Variants in PCDH15 observed in about 807,000 individuals in gnomAD.
The protein encoded by PCDH15 is protocadherin related 15, also known as protocadherin-15.
Under a neutral mutation model 178.5 loss-of-function variants are expected in PCDH15, and 129 were observed. That is an observed-to-expected ratio of 0.72 (90% CI 0.63 to 0.84). The LOEUF (loss-of-function observed/expected upper bound fraction) is 0.84, where lower values mean the gene tolerates loss of function less well. Among genes scored for constraint, PCDH15 ranks in the 40% least tolerant of loss-of-function variants. The probability of loss-of-function intolerance (pLI) is 0.00; values close to 1 mark genes in which losing one functional copy is unlikely to be tolerated. For missense variants in PCDH15, 2,230 were observed against 2,099.9 expected, an observed-to-expected ratio of 1.06 and a Z score of -1.21; for synonymous variants, 800 against 732.0, an observed-to-expected ratio of 1.09 and a Z score of -1.50.
intron 2 of PCDH15, among the ~76,000 whole-genome samples, chr10:54,578,831 G>C (rs1316965434): frequency 2.0e-5 from 3 of 152,006 alleles, no homozygotes; most frequent in African/African-American, 4.8e-5. Flanking sequence ...AAGCCAGAAG[G>C]GATTAGGGGC....
chr10:55,215,803 T>G (rs183268000), intron 1 of PCDH15, among the ~76,000 whole-genome samples: 44 of 152,134 alleles, frequency 2.9e-4, no homozygotes, highest in Admixed American at 2.6e-3. Flanking sequence ...TTGTCTGTGA[T>G]TCTAGCAGTA....
intron 2 of PCDH15, among the ~76,000 whole-genome samples, chr10:55,129,065 T>C (rs1040286842): frequency 1.3e-5 from 2 of 152,144 alleles, no homozygotes; most frequent in Non-Finnish European, 2.9e-5. Flanking sequence ...GCACAATTAA[T>C]AGTTCCTTTA....
intron 8 of PCDH15, among the ~76,000 whole-genome samples, chr10:54,261,869 A>T (rs1016813625): frequency 2.0e-5 from 3 of 152,140 alleles, no homozygotes; most frequent in Non-Finnish European, 4.4e-5. Context: ...TATCCAGTAA[A>T]CCGTCACATT....
At chr10:54,759,259 C>T (rs540354373) in intron 1 of PCDH15, among the ~76,000 whole-genome samples, 147 of 152,070 alleles carry the variant, frequency 9.7e-4, no homozygotes, top group African/African-American at 3.2e-3. Context: ...TGAACACTAC[C>T]GGGCAAACAC....
intron 2 of PCDH15, among the ~76,000 whole-genome samples, chr10:55,476,183 C>A (rs1002089251): frequency 2.6e-5 from 4 of 151,868 alleles, no homozygotes; most frequent in Non-Finnish European, 5.9e-5. Flanking sequence ...ATGGAATATG[C>A]TAGGGTGTGA....
At position 54,020,383 on chromosome 10, in the gene PCDH15, A is replaced by G. The variant is rs375825592; in HGVS notation, c.2560T>C (p.Tyr854His). 1.9e-6 allele frequency: 3 copies of G among 1,613,700 alleles called. No homozygotes were observed. ...TTCACTTCTGGGCTTCTTATCCGGT[A>G]AGACACATTTGCTCCAAGGTCGACA... ...KDVDLGANVS[Y>H]RIRSPEVKHF... The change falls in exon 20 of 38, where the codon TAC becomes CAC. Residue 854 changes from tyrosine to histidine, a missense_variant. Coordinates refer to ENST00000644397, the MANE Select transcript of PCDH15 (RefSeq NM_001384140.1).
chr10:54,462,410 AT>A (rs1724588946), intron 3 of PCDH15, among the ~76,000 whole-genome samples: 2 of 151,570 alleles, frequency 1.3e-5, no homozygotes, highest in South Asian at 4.1e-4. Context: ...TTCCATCTGA[AT>A]ACAAGTCATT....
At chr10:54,879,412 G>A (rs1954219328) in intron 3 of PCDH15, among the ~76,000 whole-genome samples, 3 of 152,022 alleles carry the variant, frequency 2.0e-5, no homozygotes, top group Non-Finnish European at 4.4e-5. Flanking sequence ...ACATGAGGGA[G>A]CTGAAGCTTA....
chr10:54,900,700 C>T (rs1278525084), intron 2 of PCDH15, among the ~76,000 whole-genome samples: 9 of 152,116 alleles, frequency 5.9e-5, no homozygotes, highest in Admixed American at 2.0e-4. Context: ...TAAATGGCAA[C>T]AATACCTTGT....
intron 2 of PCDH15, among the ~76,000 whole-genome samples, chr10:54,557,343 T>C (rs1260234781): frequency 1.3e-5 from 2 of 152,168 alleles, no homozygotes; most frequent in South Asian, 2.1e-4. Context: ...CAAAAAATTG[T>C]TATCTTTGTA....
intron 3 of PCDH15, among the ~76,000 whole-genome samples, chr10:54,500,462 A>G (rs1301082692): frequency 1.3e-5 from 2 of 152,148 alleles, no homozygotes; most frequent in Non-Finnish European, 2.9e-5. Flanking sequence ...ATAGAAAAAA[A>G]CAAAAACATA....
At chr10:54,014,112 A>G (rs1270727300) in intron 20 of PCDH15, among the ~76,000 whole-genome samples, 1 of 152,146 alleles carries the variant, frequency 6.6e-6, no homozygotes, top group African/African-American at 2.4e-5. Flanking sequence ...ACAGAAATAT[A>G]AAAGAACACT....
chr10:54,695,473 G>C (rs1482149950), intron 1 of PCDH15, among the ~76,000 whole-genome samples: 2 of 152,102 alleles, frequency 1.3e-5, no homozygotes, highest in Non-Finnish European at 2.9e-5. Flanking sequence ...AGTGTTAATG[G>C]GTAAGCTATA....
rs545835965 is a variant in PCDH15 at position 55,291,746 on chromosome 10, C to A, written c.-156+27853G>T. ...TGGTAAAGACATACCTAAGACTGGG[C>A]AATTTACAAAATAAAGGAGTTTAAT... On this transcript the variant is annotated intron_variant, in intron 1 of 5. Transcript: ENST00000458638. Among the ~76,000 whole-genome samples the A allele has an allele frequency of 7.2e-5, 11 of 152,226 alleles. No individual in the cohort carries two copies. In the East Asian group the frequency reaches 1.7e-3, roughly 24 times the overall value.
chr10:55,300,175 T>C (rs1398743586), intron 1 of PCDH15, among the ~76,000 whole-genome samples: 1 of 152,178 alleles, frequency 6.6e-6, no homozygotes, highest in Non-Finnish European at 1.5e-5. Flanking sequence ...GCCTCTGAAA[T>C]ATTTTATTGT....
chr10:54,128,741 A>G (rs111673164), intron 15 of PCDH15, among the ~76,000 whole-genome samples: 62 of 152,246 alleles, frequency 4.1e-4, no homozygotes, highest in African/African-American at 1.3e-3. Context: ...CTTTTGCTCA[A>G]TTGTGCTTTA....
intron 2 of PCDH15, among the ~76,000 whole-genome samples, chr10:55,330,738 T>TA (rs1446402153): frequency 6.6e-6 from 1 of 151,852 alleles, no homozygotes; most frequent in Non-Finnish European, 1.5e-5. Flanking sequence ...CCAGATAAGC[T>TA]TAGCTTTTTG....
chr10:53,820,526 C>A (rs1354177312), intron 32 of PCDH15, among the ~76,000 whole-genome samples: 1 of 151,948 alleles, frequency 6.6e-6, no homozygotes, highest in African/African-American at 2.4e-5. Flanking sequence ...TAGAATTGTA[C>A]CCTTCTCCAT....
intron 3 of PCDH15, among the ~76,000 whole-genome samples, chr10:54,410,478 C>G (rs1029159534): frequency 6.6e-6 from 1 of 152,022 alleles, no homozygotes; most frequent in Non-Finnish European, 1.5e-5. Context: ...AAAGAAAATA[C>G]TTAGTTGGGA....
Sources: allele counts gnomAD v4.1 joint callset (sites outside exome capture counted in the v4.1 genomes callset), GRCh38; gene constraint gnomAD v4.1.1; transcripts MANE v1.5; gene names NCBI Gene and HGNC (gene_info 2026-07-23, HGNC 2026-07-21).